The following OPCML variants were observed in gnomAD, a reference collection of about 807,000 sequenced individuals.
OPCML encodes the protein opioid binding protein/cell adhesion molecule like.
OPCML carries 13 observed loss-of-function variants against 37.8 expected under a neutral mutation model. The observed-to-expected ratio is 0.34, with a 90% confidence interval of 0.22 to 0.55. The LOEUF (loss-of-function observed/expected upper bound fraction) is 0.55. OPCML is among the 20% of genes least tolerant of loss of function. The pLI is 0.91. For missense variants in OPCML, 341 were observed against 435.6 expected (o/e 0.78, Z 1.93); for synonymous variants, 176 against 168.8 (o/e 1.04, Z -0.33).
At chr11:133,300,162 G>A (rs1174838080) in intron 1 of OPCML, 1 of 152,080 alleles carries the variant, frequency 6.6e-6, no homozygotes. Context: ...TCATCAAAGG[G>A]GAAAAGAAAT....
rs541019828 is a variant in OPCML, at chr11:133,099,211, A to C, written c.62-156201T>G. 9.2e-5 allele frequency among the ~76,000 whole-genome samples: 14 copies of C among 152,258 alleles called. No individual in the cohort carries two copies. The East Asian group carries it at 2.5e-3, about 27-fold the overall frequency. On this transcript the variant is annotated intron_variant, in intron 1 of 7. Coordinates refer to ENST00000524381, the MANE Select transcript of OPCML (RefSeq NM_001012393.5). The stretch of plus-strand genomic sequence containing the variant: ...ATAAATGAAGAGATATTTCATGTTC[A>C]TAAATAGAGTCAATAGTCTCCGAAA...
chr11:132,719,265 G>A (rs1211984976), intron 2 of OPCML, among the ~76,000 whole-genome samples: 1 of 152,254 alleles, frequency 6.6e-6, no homozygotes, highest in Non-Finnish European at 1.5e-5. Context: ...TCTGTGAGTG[G>A]CGAAGGCACA....
At chr11:132,530,658 C>T (rs1187750477) in intron 3 of OPCML, among the ~76,000 whole-genome samples, 1 of 152,052 alleles carries the variant, frequency 6.6e-6, no homozygotes, top group Admixed American at 6.6e-5. Flanking sequence ...TTTCCTCTAA[C>T]ACAGCACATG....
At chr11:132,678,203 A>G (rs1942793077) in intron 2 of OPCML, among the ~76,000 whole-genome samples, 1 of 152,210 alleles carries the variant, frequency 6.6e-6, no homozygotes, top group African/African-American at 2.4e-5. Flanking sequence ...ATACCACTAC[A>G]CACCTATTAA....
chr11:133,407,688 T>C (rs1023372247), intron 1 of OPCML, among the ~76,000 whole-genome samples: 1 of 152,152 alleles, frequency 6.6e-6, no homozygotes, highest in African/African-American at 2.4e-5. Context: ...TTTCTCTGGG[T>C]TATAATTGCT....
At chr11:133,527,481 AG>A (rs1369243249) in intron 1 of OPCML, among the ~76,000 whole-genome samples, 6 of 152,216 alleles carry the variant, frequency 3.9e-5, no homozygotes, top group Non-Finnish European at 7.3e-5. Context: ...ATGAAGGAGT[AG>A]ATTGTCTTTT....
At chr11:133,379,032 G>C (rs756922517) in intron 1 of OPCML, among the ~76,000 whole-genome samples, 1 of 152,136 alleles carries the variant, frequency 6.6e-6, no homozygotes, top group African/African-American at 2.4e-5. Flanking sequence ...GCTGGGATTA[G>C]AGGCATGAGC....
At chr11:133,165,526 G>A (rs73596458) in intron 1 of OPCML, among the ~76,000 whole-genome samples, 1,665 of 152,182 alleles carry the variant, frequency 0.011, 24 homozygotes, top group African/African-American at 0.038. Flanking sequence ...TAAGCCTAGG[G>A]CCTTGATACT....
chr11:133,341,847 G>A (rs1943876532), intron 1 of OPCML, among the ~76,000 whole-genome samples: 1 of 152,232 alleles, frequency 6.6e-6, no homozygotes, highest in Admixed American at 6.5e-5. Flanking sequence ...GAACTTGGGA[G>A]GTGGAGGTTG....
chr11:132,453,161 T>C (rs1464972262), intron 4 of OPCML, among the ~76,000 whole-genome samples: 2 of 152,210 alleles, frequency 1.3e-5, no homozygotes, highest in Non-Finnish European at 2.9e-5. Context: ...TATCTTCGCA[T>C]TTGTCATGTT....
At chr11:132,854,511 C>G (rs1434476189) in intron 2 of OPCML, among the ~76,000 whole-genome samples, 1 of 152,186 alleles carries the variant, frequency 6.6e-6, no homozygotes. Flanking sequence ...GGCAAGCAGC[C>G]CCTATCCTGA....
intron 2 of OPCML, among the ~76,000 whole-genome samples, chr11:132,744,364 C>T (rs1199814029): frequency 6.6e-6 from 1 of 152,170 alleles, no homozygotes; most frequent in Non-Finnish European, 1.5e-5. Flanking sequence ...TTTTGCCTCC[C>T]AACTTTGAAC....
chr11:133,112,834 C>A (rs1019765774), intron 1 of OPCML, among the ~76,000 whole-genome samples: 1 of 152,138 alleles, frequency 6.6e-6, no homozygotes, highest in Non-Finnish European at 1.5e-5. Context: ...AACTCTTAAT[C>A]GCACAAGCTC....
chr11:133,158,764 T>A (rs1305122285), intron 1 of OPCML, among the ~76,000 whole-genome samples: 1 of 122,208 alleles, frequency 8.2e-6, no homozygotes, highest in African/African-American at 3.3e-5. Flanking sequence ...AAATGAAAAT[T>A]AAAAAAAATT....
chr11:132,818,405 C>A (rs1939757095), intron 2 of OPCML, among the ~76,000 whole-genome samples: 1 of 151,826 alleles, frequency 6.6e-6, no homozygotes, highest in African/African-American at 2.4e-5. Flanking sequence ...ATCAGTTGAA[C>A]CCCTGAATAA....
rs1947188567 is a variant in OPCML, at chr11:132,785,748, A to AC, written c.147-128430dup. ...ACTCCAGACCTCTGGGATTTAAAAT[A>AC]CCCTTGAGGAGAATGAGGCAGACAG... On this transcript the variant is annotated intron_variant, in intron 2 of 7. Transcript: ENST00000524381. Among the ~76,000 whole-genome samples, 2 of 152,158 alleles carry AC rather than the reference A, an allele frequency of 1.3e-5. 1 individual carries two copies. Among genetic ancestry groups the AC allele is most frequent in the Admixed American group, 1.3e-4 (2 of 15,274 alleles).
intron 1 of OPCML, among the ~76,000 whole-genome samples, chr11:133,121,679 C>G (rs1015438639): frequency 6.6e-6 from 1 of 152,166 alleles, no homozygotes; most frequent in Non-Finnish European, 1.5e-5. Flanking sequence ...AGATTACATT[C>G]TCATAAATAT....
At chr11:132,784,764 AC>A (rs1348040424) in intron 2 of OPCML, among the ~76,000 whole-genome samples, 1 of 152,050 alleles carries the variant, frequency 6.6e-6, no homozygotes, top group Non-Finnish European at 1.5e-5. Flanking sequence ...AGAGCCTGGC[AC>A]CTCCTGCCCT....
intron 2 of OPCML, among the ~76,000 whole-genome samples, chr11:132,919,272 T>C (rs895744611): frequency 4.6e-5 from 7 of 152,102 alleles, no homozygotes; most frequent in Non-Finnish European, 8.8e-5. Context: ...AAGACAGTGG[T>C]TCTCAGAGAG....
Sources: gnomAD v4.1 joint callset for allele counts (sites outside exome capture counted in the v4.1 genomes callset) on GRCh38, gnomAD v4.1.1 for gene constraint, MANE v1.5 for transcripts, NCBI Gene and HGNC (gene_info 2026-07-23, HGNC 2026-07-21) for gene names.